Variants in RIMKLB observed in about 807,000 individuals in gnomAD.
RIMKLB encodes ribosomal modification protein rimK like family member B, also known as beta-citrylglutamate synthase B.
In RIMKLB, 7 loss-of-function variants were observed where a neutral mutation model predicts 32.0. The ratio of observed to expected loss-of-function variants is 0.22; its 90% CI spans 0.12 to 0.41. The LOEUF (loss-of-function observed/expected upper bound fraction) is 0.41, where lower values mean the gene tolerates loss of function less well. RIMKLB is among the 10% of genes least tolerant of loss of function. The probability of loss-of-function intolerance (pLI) is 1.00; values close to 1 mark genes in which losing one functional copy is unlikely to be tolerated. For missense variants in RIMKLB, 289 were observed against 498.7 expected (o/e 0.58, Z 4.00); for synonymous variants, 172 against 185.1 (o/e 0.93, Z 0.57).
Position 8,713,924 on chromosome 12 carries a change from G to T in RIMKLB, c.58G>T (p.Asp20Tyr). 6.2e-7 allele frequency: 1 copy of T among 1,614,118 alleles called. No homozygotes were observed. Among genetic ancestry groups the T allele is most frequent in the South Asian group, 1.1e-5 (1 of 91,076 alleles). The change falls in exon 2 of 6, where the codon GAC becomes TAC. Residue 20 changes from aspartate (D) to tyrosine (Y), a missense_variant. By Grantham distance (160) the Asp-to-Tyr change is radical. Transcript: ENST00000535829. Reference protein sequence around the residue: ...WFLTDRRIREDYPQKEILRAL... With the variant: ...WFLTDRRIREYYPQKEILRAL... ...TTTGACAGATCGTCGCATCAGGGAAGACTATCCTCAAAAAGAGATTTTACG... is the reference window on the plus strand; with the variant it reads ...TTTGACAGATCGTCGCATCAGGGAATACTATCCTCAAAAAGAGATTTTACG...
At chr12:8,755,528 G>C (rs1398100711) in intron 5 of RIMKLB, among the ~76,000 whole-genome samples, 1 of 152,118 alleles carries the variant, frequency 6.6e-6, no homozygotes, top group African/African-American at 2.4e-5. Flanking sequence ...TCTCTACTCA[G>C]AATGTTTCCA....
At chr12:8,693,119 G>A (rs1414825615), upstream of RIMKLB, among the ~76,000 whole-genome samples, 1 of 152,190 alleles carries the variant, frequency 6.6e-6, no homozygotes, top group Non-Finnish European at 1.5e-5. Context: ...AACAGATGAT[G>A]TGTATAGGGC....
chr12:8,728,111 C>T (rs956369742), intron 2 of RIMKLB, among the ~76,000 whole-genome samples: 4 of 152,098 alleles, frequency 2.6e-5, no homozygotes, highest in Non-Finnish European at 4.4e-5. Context: ...TTACAATTCC[C>T]ATATCTCTCC....
intron 1 of RIMKLB, among the ~76,000 whole-genome samples, chr12:8,712,307 G>A (rs1287704276): frequency 2.0e-5 from 3 of 152,198 alleles, no homozygotes; most frequent in African/African-American, 7.2e-5. Context: ...TGCTACTTGG[G>A]AGGCTGAGGC....
intron 1 of RIMKLB, among the ~76,000 whole-genome samples, chr12:8,684,819 C>T (rs930427610): frequency 2.6e-5 from 4 of 152,118 alleles, no homozygotes; most frequent in African/African-American, 9.7e-5. Flanking sequence ...GACGGGGTTT[C>T]ACCACGTTGT....
intron 5 of RIMKLB, among the ~76,000 whole-genome samples, chr12:8,768,241 A>G (rs1479944486): frequency 6.6e-6 from 1 of 152,258 alleles, no homozygotes; most frequent in Non-Finnish European, 1.5e-5. Flanking sequence ...GATCAGGAGC[A>G]GCAATGGGTG....
chr12:8,753,362 T>C (rs1948773785), intron 4 of RIMKLB, among the ~76,000 whole-genome samples: 1 of 152,164 alleles, frequency 6.6e-6, no homozygotes, highest in African/African-American at 2.4e-5. Flanking sequence ...GTATCCCTCC[T>C]TTCCCCTCCC....
At chr12:8,777,602 C>A (rs1950811677), downstream of RIMKLB, 1 of 1,287,378 alleles carries the variant, frequency 7.8e-7, no homozygotes, top group Non-Finnish European at 1.0e-6. Flanking sequence ...TTTTCAGGAG[C>A]CAAAAAAACA....
At chr12:8,707,371 G>A (rs1049551927) in intron 1 of RIMKLB, among the ~76,000 whole-genome samples, 10 of 152,206 alleles carry the variant, frequency 6.6e-5, no homozygotes, top group African/African-American at 1.9e-4. Flanking sequence ...ACATGTTTAC[G>A]TGTATGTTAT....
chr12:8,762,031 C>T (rs899720398), intron 5 of RIMKLB, among the ~76,000 whole-genome samples: 1 of 152,152 alleles, frequency 6.6e-6, no homozygotes, highest in Admixed American at 6.5e-5. Flanking sequence ...GTTAAAGATA[C>T]AGGAATTGAA....
At chr12:8,748,522 G>A (rs866072149) in intron 2 of RIMKLB, among the ~76,000 whole-genome samples, 12 of 81,980 alleles carry the variant, frequency 1.5e-4, no homozygotes, top group Non-Finnish European at 2.0e-4. Flanking sequence ...GATTATTCGT[G>A]TGTGTGTGTG....
At chr12:8,701,349 G>A (rs1249177906) in intron 1 of RIMKLB, among the ~76,000 whole-genome samples, 2 of 152,046 alleles carry the variant, frequency 1.3e-5, no homozygotes, top group African/African-American at 4.8e-5. Context: ...TACATGTTAG[G>A]TTTGTAGAAA....
chr12:8,715,679 A>T (rs1386303489), intron 2 of RIMKLB, among the ~76,000 whole-genome samples: 2 of 152,114 alleles, frequency 1.3e-5, no homozygotes, highest in Non-Finnish European at 2.9e-5. Context: ...TCATTTTTTC[A>T]TTAAGTATTA....
chr12:8,669,734 T>G, the RIMKLB span, among the ~76,000 whole-genome samples: 1 of 151,470 alleles, frequency 6.6e-6, no homozygotes, highest in Non-Finnish European at 1.5e-5. Flanking sequence ...ACATGGAAAG[T>G]AAGAAGGAAT....
chr12:8,771,692 T>G (rs763252452), intron 5 of RIMKLB, among the ~76,000 whole-genome samples: 1 of 152,242 alleles, frequency 6.6e-6, no homozygotes, highest in African/African-American at 2.4e-5. Flanking sequence ...CGCTCACATT[T>G]TATTGGGATT....
chr12:8,685,760 C>T (rs1251760305), intron 1 of RIMKLB, among the ~76,000 whole-genome samples: 1 of 151,642 alleles, frequency 6.6e-6, no homozygotes, highest in Non-Finnish European at 1.5e-5. Flanking sequence ...TCTCTTGCCT[C>T]AGCTTCCCAA....
downstream of RIMKLB, among the ~76,000 whole-genome samples, chr12:8,781,010 GATAA>G (rs112779894): frequency 1.3e-5 from 2 of 152,140 alleles, no homozygotes; most frequent in African/African-American, 2.4e-5. Context: ...TAATTTGCAA[GATAA>G]ATAAAATATG....
At chr12:8,674,631 C>A in the RIMKLB span, among the ~76,000 whole-genome samples, 2 of 151,866 alleles carry the variant, frequency 1.3e-5, no homozygotes, top group Non-Finnish European at 2.9e-5. Context: ...TTCACTGCAA[C>A]CTCTGCCTCT....
intron 2 of RIMKLB, among the ~76,000 whole-genome samples, chr12:8,725,118 A>G (rs745847875): frequency 1.3e-5 from 2 of 152,362 alleles, no homozygotes; most frequent in Admixed American, 6.5e-5. Flanking sequence ...GCTAACATCC[A>G]GAAGAAAATT....
Sources: gnomAD v4.1 joint callset for allele counts (sites outside exome capture counted in the v4.1 genomes callset) on GRCh38, gnomAD v4.1.1 for gene constraint, MANE v1.5 for transcripts, NCBI Gene and HGNC (gene_info 2026-07-23, HGNC 2026-07-21) for gene names.